CAMSAP2: variants seen among roughly 807,000 people sequenced by gnomAD.
The protein encoded by CAMSAP2 is calmodulin-regulated spectrin-associated protein 2.
Under a neutral mutation model 146.1 loss-of-function variants are expected in CAMSAP2, and 26 were observed. The ratio of observed to expected loss-of-function variants is 0.18; its 90% CI spans 0.13 to 0.25. The LOEUF (loss-of-function observed/expected upper bound fraction) is 0.25. Among genes scored for constraint, CAMSAP2 ranks in the 10% least tolerant of loss-of-function variants. CAMSAP2 has a pLI of 1.00. For synonymous variants in CAMSAP2, 499 were observed against 596.6 expected (o/e 0.84, Z 2.38); for missense variants, 1,381 against 1,759.3 (o/e 0.78, Z 3.85).
At chr1:200,762,095 A>G (rs181015540) in intron 2 of CAMSAP2, among the ~76,000 whole-genome samples, 2 of 152,350 alleles carry the variant, frequency 1.3e-5, no homozygotes, top group East Asian at 3.9e-4. Context: ...GTGTATATGT[A>G]GAAAAGTATA....
chr1:200,857,201 A>AT lies in CAMSAP2; in HGVS notation c.4013-103dup. ...CTTTAAGCACAGAATTTGGTCTTCT[A>AT]TTACAATATTTCAGCAGTGTAGGAA... On this transcript the variant is annotated intron_variant, in intron 15 of 16. Coordinates refer to ENST00000358823, the MANE Select transcript of CAMSAP2 (RefSeq NM_203459.4). The surrounding 1 kb of genome is among the most constrained non-coding windows in gnomAD (Gnocchi z 4.7). The AT allele has an allele frequency of 2.4e-6, 2 of 834,634 alleles. No homozygotes were observed. Among genetic ancestry groups the AT allele is most frequent in the Non-Finnish European group, 3.9e-6 (2 of 514,934 alleles). The allele number at this position is 834,634 out of a possible 1,614,324, so 51.7% of individuals were successfully genotyped here.
At chr1:200,775,284 T>G (rs958362978) in intron 2 of CAMSAP2, among the ~76,000 whole-genome samples, 1 of 152,218 alleles carries the variant, frequency 6.6e-6, no homozygotes, top group African/African-American at 2.4e-5. Context: ...AGAAGGCCAC[T>G]GATTTTGGTA....
At chr1:200,831,213 T>C (rs78501374) in intron 4 of CAMSAP2, among the ~76,000 whole-genome samples, 1 of 152,316 alleles carries the variant, frequency 6.6e-6, no homozygotes, top group Non-Finnish European at 1.5e-5. Context: ...TCAGCATTAT[T>C]TTACTTGGCT....
At chr1:200,826,908 G>A (rs928143300) in intron 4 of CAMSAP2, among the ~76,000 whole-genome samples, 1 of 151,978 alleles carries the variant, frequency 6.6e-6, no homozygotes, top group African/African-American at 2.4e-5. Flanking sequence ...CTTTGTCCTC[G>A]TGGTTATTTA....
chr1:200,806,712 C>T (rs965323870), intron 2 of CAMSAP2, among the ~76,000 whole-genome samples: 3 of 151,674 alleles, frequency 2.0e-5, no homozygotes, highest in Admixed American at 6.6e-5. Context: ...TCATATACTA[C>T]TGTAATGTTT....
intron 4 of CAMSAP2, among the ~76,000 whole-genome samples, chr1:200,816,202 C>T (rs34596352): frequency 0.13 from 19,608 of 151,832 alleles, 1,304 homozygotes; most frequent in East Asian, 0.17. Flanking sequence ...GCAGGAGAAT[C>T]GCTTAAACTC....
At chr1:200,856,657 G>A (rs1248679714) in intron 15 of CAMSAP2, among the ~76,000 whole-genome samples, 1 of 152,198 alleles carries the variant, frequency 6.6e-6, no homozygotes, top group Non-Finnish European at 1.5e-5. Flanking sequence ...GAAATCAGAA[G>A]AAATGTCAGC....
chr1:200,739,761 C>T lies in CAMSAP2; in HGVS notation c.-67C>T. 2 of 1,541,378 alleles carry T rather than the reference C, an allele frequency of 1.3e-6. No individual in the cohort carries two copies. Among genetic ancestry groups the T allele is most frequent in the South Asian group, 1.2e-5 (1 of 83,436 alleles). On this transcript the variant is annotated 5_prime_UTR_variant, in exon 1 of 17. Coordinates refer to ENST00000358823, the MANE Select transcript of CAMSAP2 (RefSeq NM_203459.4). The surrounding 1 kb of genome is among the most constrained non-coding windows in gnomAD (Gnocchi z 4.8). ...GCTTGCTTCTCCCTCCCTCCCGACC[C>T]CCGTGGTGGCGAGGCCACGCCATGT...
chr1:200,817,189 C>CGTGTGTGTATATACACACACACAT (rs1666603237), intron 4 of CAMSAP2, among the ~76,000 whole-genome samples: 1 of 112,046 alleles, frequency 8.9e-6, no homozygotes, highest in Non-Finnish European at 1.9e-5. Flanking sequence ...CACACACACA[C>CGTGTGTGTATATACACACACACAT]ATGTGTGTGT....
At chr1:200,823,714 A>G (rs1666832563) in intron 4 of CAMSAP2, among the ~76,000 whole-genome samples, 1 of 152,192 alleles carries the variant, frequency 6.6e-6, no homozygotes, top group South Asian at 2.1e-4. Context: ...TTTCTCCATT[A>G]TAAATTTACT....
In CAMSAP2 at chr1:200,847,246, T is replaced by C; in HGVS notation, c.1146T>C (p.His382=). ...EGATFTQSHH[H]LPSRYSRPQA... ...CTACATTTACACAGTCTCATCATCA[T>C]TTGCCTTCTAGGTATTCACGTCCCC... Residue 382 remains histidine, a synonymous_variant, in exon 9 of 17, where the codon CAT becomes CAC. Coordinates refer to ENST00000358823, the MANE Select transcript of CAMSAP2 (RefSeq NM_203459.4). 1 of 1,612,518 alleles carries C rather than the reference T, an allele frequency of 6.2e-7. No individual in the cohort carries two copies. The highest frequency in any genetic ancestry group is 8.5e-7 in the Non-Finnish European group (1 of 1,179,288).
intron 2 of CAMSAP2, among the ~76,000 whole-genome samples, chr1:200,785,468 A>G (rs930662943): frequency 6.7e-6 from 1 of 148,548 alleles, no homozygotes; most frequent in Non-Finnish European, 1.5e-5. Flanking sequence ...GGCTCACTGC[A>G]ACCTCTGCCT....
chr1:200,783,151 C>T (rs1031851375), intron 2 of CAMSAP2, among the ~76,000 whole-genome samples: 1 of 152,182 alleles, frequency 6.6e-6, no homozygotes, highest in Non-Finnish European at 1.5e-5. Flanking sequence ...CTTTCTATTT[C>T]ACCACCAGCA....
At chr1:200,799,701 T>G (rs1009330038) in intron 2 of CAMSAP2, among the ~76,000 whole-genome samples, 2 of 152,216 alleles carry the variant, frequency 1.3e-5, no homozygotes, top group Non-Finnish European at 2.9e-5. Context: ...TAGTTATTTC[T>G]TGTCTTCTGC....
intron 1 of CAMSAP2, among the ~76,000 whole-genome samples, chr1:200,752,619 CTT>C (rs770066342): frequency 2.0e-4 from 28 of 142,486 alleles, no homozygotes; most frequent in Non-Finnish European, 2.2e-4. Flanking sequence ...GTCATGTCTC[CTT>C]TTTTTTTTTT....
Position 200,807,457 on chromosome 1 carries a change from G to T in CAMSAP2, c.481G>T (p.Ala161Ser). The stretch of plus-strand genomic sequence containing the variant: ...CAGTATAGAAAAAGTAATTGCGTGT[G>T]CTCAGCAGTATTCAGCTTTTTTTCA... ...MVSIEKVIAC[A>S]QQYSAFFQAT... The change falls in exon 3 of 17, where the codon GCT becomes TCT. Residue 161 changes from alanine to serine, a missense_variant. Transcript: ENST00000358823. The T allele has an allele frequency of 6.2e-7, 1 of 1,608,714 alleles. No individual in the cohort carries two copies. The highest frequency in any genetic ancestry group is 8.5e-7 in the Non-Finnish European group (1 of 1,176,690).
chr1:200,788,067 T>C (rs1434232645), intron 2 of CAMSAP2, among the ~76,000 whole-genome samples: 1 of 152,234 alleles, frequency 6.6e-6, no homozygotes, highest in East Asian at 1.9e-4. Flanking sequence ...ACTTGCTTTA[T>C]TGCAATGGAA....
chr1:200,822,175 C>CAT (rs1558194660), intron 4 of CAMSAP2, among the ~76,000 whole-genome samples: 1 of 145,082 alleles, frequency 6.9e-6, no homozygotes, highest in African/African-American at 2.6e-5. Flanking sequence ...CACACACACA[C>CAT]GTAAATTGTT....
chr1:200,831,265 T>C (rs913802271), intron 4 of CAMSAP2, among the ~76,000 whole-genome samples: 6 of 152,222 alleles, frequency 3.9e-5, no homozygotes, highest in African/African-American at 1.4e-4. Context: ...CTTTATTGAT[T>C]GCTTGCTGTG....
Sources: gnomAD v4.1 joint callset for allele counts (sites outside exome capture counted in the v4.1 genomes callset) on GRCh38, gnomAD v4.1.1 for gene constraint, Gnocchi (gnomAD v3.1) non-coding constraint, MANE v1.5 for transcripts, NCBI Gene and HGNC (gene_info 2026-07-23, HGNC 2026-07-21) for gene names.